The following KHDC1 variants were observed in gnomAD, a reference collection of about 807,000 sequenced individuals.
KHDC1 encodes the protein KH domain containing 1.
In KHDC1, 21 loss-of-function variants were observed where a neutral mutation model predicts 24.7. That is an observed-to-expected ratio of 0.85 (90% confidence interval 0.60 to 1.23). KHDC1 has a LOEUF of 1.23. KHDC1 is among the 50% of genes most tolerant of loss of function. The pLI, the probability that KHDC1 is intolerant of heterozygous loss-of-function variation, is 0.00. For synonymous variants in KHDC1, 98 were observed against 111.7 expected, an observed-to-expected ratio of 0.88 and a Z score of 0.77; for missense variants, 274 against 298.5, an observed-to-expected ratio of 0.92 and a Z score of 0.61.
At chr6:73,301,236 C>T (rs557658233) in intron 1 of KHDC1, 1 of 152,078 alleles carries the variant, frequency 6.6e-6, no homozygotes, top group East Asian at 1.9e-4. Context: ...AAAAAAAAAC[C>T]TTGCCCTTCA....
chr6:73,242,380 A>C (rs6453660), intron 3 of KHDC1, 26 bp downstream of exon 2: 351,855 of 1,610,484 alleles, frequency 0.22, 46,417 homozygotes, highest in African/African-American at 0.63. Flanking sequence ...AGGATGAAGA[A>C]GGGGACGTGG....
At chr6:73,306,931 C>T (rs1205838439) in intron 1 of KHDC1, among the ~76,000 whole-genome samples, 4 of 152,122 alleles carry the variant, frequency 2.6e-5, no homozygotes, top group Admixed American at 1.3e-4. Flanking sequence ...ATCGCTTGAA[C>T]CCAGGAGGCA....
intron 2 of KHDC1, among the ~76,000 whole-genome samples, chr6:73,289,557 A>G (rs1469227922): frequency 1.3e-5 from 2 of 150,684 alleles, no homozygotes; most frequent in African/African-American, 2.4e-5. Flanking sequence ...AGGCTGACAC[A>G]TGAGAATCAC....
chr6:73,254,829 C>T (rs1376356941), intron 2 of KHDC1, among the ~76,000 whole-genome samples: 4 of 151,972 alleles, frequency 2.6e-5, no homozygotes, highest in African/African-American at 9.7e-5. Flanking sequence ...AGTGAAACCC[C>T]GTCTCTACTA....
intron 2 of KHDC1, among the ~76,000 whole-genome samples, chr6:73,279,921 C>G (rs1767373994): frequency 2.6e-5 from 4 of 151,952 alleles, no homozygotes; most frequent in Admixed American, 2.6e-4. Context: ...CTGTTGGGCC[C>G]TCTTTCTATT....
At chr6:73,293,198 T>G in intron 1 of KHDC1, 1 of 700,884 alleles carries the variant, frequency 1.4e-6, no homozygotes, top group South Asian at 1.4e-5. Context: ...ATTTTGGCCA[T>G]GAATATTGAG....
At chr6:73,242,328 T>G (rs189916723) in intron 3 of KHDC1, 78 bp downstream of exon 2, 7 of 1,607,992 alleles carry the variant, frequency 4.4e-6, no homozygotes, top group Non-Finnish European at 5.1e-6. Flanking sequence ...ATGTGACTGA[T>G]GAAGGTGGGA....
exon 1 of KHDC1, chr6:73,309,715 T>C: frequency 6.5e-7 from 1 of 1,549,836 alleles, no homozygotes; most frequent in Non-Finnish European, 8.7e-7. Flanking sequence ...CCGACAGCAT[T>C]TCGCGTTTCT....
chr6:73,290,106 C>CAAA (rs140342387), intron 2 of KHDC1, among the ~76,000 whole-genome samples: 54 of 86,340 alleles, frequency 6.3e-4, no homozygotes, highest in African/African-American at 1.4e-3. Context: ...GACTCCGTCT[C>CAAA]AAAAAAAAAA....
intron 2 of KHDC1, among the ~76,000 whole-genome samples, chr6:73,284,364 ATACCC>A (rs1767478037): frequency 2.0e-5 from 3 of 152,174 alleles, no homozygotes; most frequent in South Asian, 4.1e-4. Context: ...GGCAACTGAC[ATACCC>A]TACCGGGGCC....
At chr6:73,267,439 C>T (rs512366) in intron 2 of KHDC1, among the ~76,000 whole-genome samples, 96,519 of 151,960 alleles carry the variant, frequency 0.64, 34,306 homozygotes, top group Non-Finnish European at 0.78. Flanking sequence ...GCTGAGATCA[C>T]GCCACTGCAC....
At chr6:73,285,424 C>T (rs1368106716) in intron 2 of KHDC1, among the ~76,000 whole-genome samples, 5 of 150,952 alleles carry the variant, frequency 3.3e-5, no homozygotes, top group Non-Finnish European at 5.9e-5. Context: ...CTCTGCCTCC[C>T]GGGTTCAAGC....
At position 73,256,080 on chromosome 6, in the gene KHDC1, C is replaced by T. The variant is rs550588853; in HGVS notation, c.207-13550G>A. Among the ~76,000 whole-genome samples the T allele has an allele frequency of 9.2e-5, 14 of 152,216 alleles. No individual in the cohort carries two copies. The South Asian group carries it at 2.9e-3, about 32-fold the overall frequency. On this transcript the variant is annotated intron_variant, in intron 2 of 4. Transcript: ENST00000370384. ...GTTTTAGTAAAATCAAAGTGGATTA[C>T]TTTCCAAAGGTCAGGCATATACATT...
chr6:73,270,196 A>G (rs186753391), intron 2 of KHDC1: 2 of 152,140 alleles, frequency 1.3e-5, no homozygotes, highest in Non-Finnish European at 2.9e-5. Flanking sequence ...TTAAATTTCT[A>G]TGCATATATG....
At chr6:73,276,114 C>A (rs1198730627) in intron 2 of KHDC1, 1 of 152,166 alleles carries the variant, frequency 6.6e-6, no homozygotes, top group Non-Finnish European at 1.5e-5. Context: ...ATTGCTTGAA[C>A]CGGGAGGAGG....
At chr6:73,302,517 A>G (rs569768770) in intron 1 of KHDC1, among the ~76,000 whole-genome samples, 1 of 152,312 alleles carries the variant, frequency 6.6e-6, no homozygotes, top group South Asian at 2.1e-4. Flanking sequence ...GGCATATTAT[A>G]CAACTGAATC....
chr6:73,278,937 GTGAATACATTCTCTCACACT>G (rs1767353849), intron 2 of KHDC1, among the ~76,000 whole-genome samples: 1 of 152,122 alleles, frequency 6.6e-6, no homozygotes, highest in South Asian at 2.1e-4. Flanking sequence ...CACTTTTCAT[GTGAATACATTCTCTCACACT>G]TGGCTACAAA....
At chr6:73,308,392 G>A (rs1030080819) in intron 1 of KHDC1, among the ~76,000 whole-genome samples, 5 of 151,676 alleles carry the variant, frequency 3.3e-5, no homozygotes, top group African/African-American at 1.2e-4. Flanking sequence ...TGTATTTTTA[G>A]TAGAGATGGG....
intron 4 of KHDC1, 41 bp downstream of exon 3, chr6:73,242,014 A>G (rs1369405729): frequency 6.4e-7 from 1 of 1,572,742 alleles, no homozygotes; most frequent in South Asian, 1.2e-5. Context: ...CCAGAACTCC[A>G]CCACCAAGTC....
Sources: gnomAD v4.1 joint callset for allele counts (sites outside exome capture counted in the v4.1 genomes callset) on GRCh38, gnomAD v4.1.1 for gene constraint, MANE v1.5 for transcripts, NCBI Gene and HGNC (gene_info 2026-07-23, HGNC 2026-07-21) for gene names.